Variants in SLC38A9 observed in about 807,000 individuals in gnomAD.
The protein encoded by SLC38A9 is solute carrier family 38 member 9.
A neutral mutation model predicts 62.3 loss-of-function variants in SLC38A9; 48 were observed. That is an observed-to-expected ratio of 0.77 (90% CI 0.61 to 0.98). The LOEUF is 0.98. Ranked by LOEUF, SLC38A9 falls within the 50% of genes least tolerant of loss-of-function variation. The pLI is 0.00. For synonymous variants in SLC38A9, 204 were observed against 227.7 expected (o/e 0.90, Z 0.94); for missense variants, 541 against 679.8 (o/e 0.80, Z 2.27).
chr5:55,674,261 T>C (rs191292669), intron 3 of SLC38A9, among the ~76,000 whole-genome samples: 1 of 152,294 alleles, frequency 6.6e-6, no homozygotes, highest in East Asian at 1.9e-4. Context: ...ATAGAGCAAA[T>C]ATGTGGATAT....
intron 10 of SLC38A9, among the ~76,000 whole-genome samples, chr5:55,652,189 C>G (rs1385583320): frequency 3.3e-5 from 5 of 150,914 alleles, no homozygotes; most frequent in Non-Finnish European, 7.4e-5. Context: ...TGAAATCCCA[C>G]CTCTACCAAA....
intron 9 of SLC38A9, 112 bp downstream of exon 9, chr5:55,656,603 A>G (rs1748471932): frequency 1.4e-6 from 1 of 737,946 alleles, no homozygotes. Context: ...CTCAGTAAAC[A>G]TAATAATTTT....
rs775639967 is a variant in SLC38A9 at position 55,672,682 on chromosome 5, C to G, written c.127G>C (p.Glu43Gln). 1 of 1,613,750 alleles carries G rather than the reference C, an allele frequency of 6.2e-7. No homozygotes were observed. The highest frequency in any genetic ancestry group is 8.5e-7 in the Non-Finnish European group (1 of 1,179,970). The change falls in exon 4 of 16, where the codon GAG becomes CAG. Residue 43 changes from glutamate to glutamine, a missense_variant. Transcript: ENST00000396865. The part of the protein sequence containing the change: ...DLRSKRPFCI[E>Q]PTNIVNVNHV... ...TTCACATTCACGATGTTTGTGGGCTCTATACAGAAAGGCCTACAAAGGGAA... is the reference window on the plus strand; with the variant it reads ...TTCACATTCACGATGTTTGTGGGCTGTATACAGAAAGGCCTACAAAGGGAA...
At chr5:55,650,638 A>G (rs992433721) in intron 10 of SLC38A9, among the ~76,000 whole-genome samples, 2 of 152,240 alleles carry the variant, frequency 1.3e-5, no homozygotes, top group Non-Finnish European at 2.9e-5. Flanking sequence ...CAGAGCTTAT[A>G]TAACCACAAC....
chr5:55,643,758 T>G (rs548540831), intron 12 of SLC38A9, among the ~76,000 whole-genome samples: 3 of 152,342 alleles, frequency 2.0e-5, no homozygotes, highest in African/African-American at 7.2e-5. Context: ...GATGAACTGA[T>G]CCCTACAGAT....
At chr5:55,704,952 T>C (rs1757104080) in intron 2 of SLC38A9, among the ~76,000 whole-genome samples, 1 of 152,186 alleles carries the variant, frequency 6.6e-6, no homozygotes, top group Non-Finnish European at 1.5e-5. Context: ...ATAATACATA[T>C]AATGTGGCTG....
intron 2 of SLC38A9, among the ~76,000 whole-genome samples, chr5:55,701,520 C>T (rs959904343): frequency 3.3e-5 from 5 of 152,124 alleles, no homozygotes; most frequent in African/African-American, 1.2e-4. Context: ...CTAATCACTA[C>T]CATTTCTTAC....
At position 55,691,847 on chromosome 5, in the gene SLC38A9, C is replaced by T. The variant is rs114349844; in HGVS notation, c.113+5999G>A. On this transcript the variant is annotated intron_variant, in intron 3 of 15. Coordinates refer to ENST00000396865, the MANE Select transcript of SLC38A9 (RefSeq NM_173514.4). Reference sequence around the variant, plus strand: ...GGCCTGCATAGTTTGAAAAAGCCCCCCAAATGACTTGACATATATTATTCC... The same window carrying T: ...GGCCTGCATAGTTTGAAAAAGCCCCTCAAATGACTTGACATATATTATTCC... Among the ~76,000 whole-genome samples the T allele has an allele frequency of 9.5e-3, 1,448 of 152,272 alleles. 28 individuals are homozygous for T. Among genetic ancestry groups the T allele is most frequent in the African/African-American group, 0.033 (1,350 of 41,538 alleles).
At chr5:55,710,626 GTTTTT>G (rs1033420722) in intron 2 of SLC38A9, among the ~76,000 whole-genome samples, 1 of 151,098 alleles carries the variant, frequency 6.6e-6, no homozygotes, top group Admixed American at 6.6e-5. Context: ...TTTTGTTTTT[GTTTTT>G]TTTGAGACGG....
At position 55,652,752 on chromosome 5, in the gene SLC38A9, A is replaced by C. The variant is rs757916652; in HGVS notation, c.758-29T>G. 3 of 1,516,688 alleles carry C rather than the reference A, an allele frequency of 2.0e-6. No homozygotes were observed. The African/African-American group carries it at 4.5e-5, about 23-fold the overall frequency. 94.0% of individuals were successfully genotyped at this position (1,516,688 alleles called of 1,614,324 possible). On this transcript the variant is annotated intron_variant, in intron 9 of 15. Coordinates refer to ENST00000396865, the MANE Select transcript of SLC38A9 (RefSeq NM_173514.4). ...CAATAGGAAAGCACCAGATTAAAGA[A>C]GATGACAAAAAACAAAACAAAACAA... is the stretch of plus-strand genomic sequence containing the variant.
At chr5:55,662,639 C>T (rs774378421) in intron 8 of SLC38A9, among the ~76,000 whole-genome samples, 10 of 148,388 alleles carry the variant, frequency 6.7e-5, no homozygotes, top group Non-Finnish European at 1.3e-4. Flanking sequence ...CACTGCACTC[C>T]AGCCTGGTGA....
chr5:55,710,124 C>G (rs1428484422), intron 2 of SLC38A9, among the ~76,000 whole-genome samples: 2 of 146,716 alleles, frequency 1.4e-5, no homozygotes, highest in Admixed American at 6.8e-5. Flanking sequence ...GAATCTAAGT[C>G]TAACTGTTCT....
chr5:55,693,133 G>A, intron 3 of SLC38A9: 24 of 374,194 alleles, frequency 6.4e-5, no homozygotes, highest in South Asian at 1.1e-4. Context: ...ATTAATTGTT[G>A]GGTGTCTACC....
chr5:55,684,554 T>G (rs1753479396), intron 3 of SLC38A9, among the ~76,000 whole-genome samples: 1 of 152,198 alleles, frequency 6.6e-6, no homozygotes, highest in Admixed American at 6.5e-5. Flanking sequence ...CAACCTAAAG[T>G]TTACGTGAAG....
intron 2 of SLC38A9, among the ~76,000 whole-genome samples, chr5:55,699,842 G>C (rs1756412671): frequency 6.6e-6 from 1 of 152,078 alleles, no homozygotes; most frequent in South Asian, 2.1e-4. Flanking sequence ...GGCAGAGAGA[G>C]AAAAATAAAG....
intron 2 of SLC38A9, among the ~76,000 whole-genome samples, chr5:55,710,419 G>A (rs2150757006): frequency 6.6e-6 from 1 of 151,966 alleles, no homozygotes; most frequent in Non-Finnish European, 1.5e-5. Flanking sequence ...TGTTCGCCAG[G>A]CTGGTCTTGA....
intron 9 of SLC38A9, among the ~76,000 whole-genome samples, chr5:55,654,905 A>G (rs1748127849): frequency 2.0e-5 from 3 of 152,122 alleles, no homozygotes; most frequent in South Asian, 4.2e-4. Context: ...TGGCGTAACT[A>G]TGGCTCACTG....
At chr5:55,669,968 C>T (rs1751030419) in intron 4 of SLC38A9, 89 bp from the exon 5 acceptor site, 2 of 1,285,810 alleles carry the variant, frequency 1.6e-6, no homozygotes, top group Admixed American at 2.4e-5. Context: ...ACTCTAGACA[C>T]CTTTTTTTTT....
At chr5:55,687,804 T>C (rs1370589960) in intron 3 of SLC38A9, among the ~76,000 whole-genome samples, 1 of 152,146 alleles carries the variant, frequency 6.6e-6, no homozygotes, top group African/African-American at 2.4e-5. Flanking sequence ...GTTCAAGAGA[T>C]TCTCTGGCCT....
Sources: gnomAD v4.1 joint callset for allele counts (sites outside exome capture counted in the v4.1 genomes callset) on GRCh38, gnomAD v4.1.1 for gene constraint, MANE v1.5 for transcripts, NCBI Gene and HGNC (gene_info 2026-07-23, HGNC 2026-07-21) for gene names.